ESF1: variants seen among roughly 807,000 people sequenced by gnomAD.
ESF1 encodes the protein ESF1 homolog.
A neutral mutation model predicts 92.0 loss-of-function variants in ESF1; 58 were observed. That is an observed-to-expected ratio of 0.63 (90% confidence interval 0.51 to 0.78). ESF1 has a LOEUF of 0.78. ESF1 is among the 30% of genes least tolerant of loss of function. The pLI, the probability that ESF1 is intolerant of heterozygous loss-of-function variation, is 0.00. For synonymous variants in ESF1, 321 were observed against 313.7 expected (o/e 1.02, Z -0.24); for missense variants, 922 against 989.1 (o/e 0.93, Z 0.91).
intron 9 of ESF1, among the ~76,000 whole-genome samples, chr20:13,747,241 G>C (rs1310405525): frequency 7.0e-6 from 1 of 142,610 alleles, no homozygotes; most frequent in African/African-American, 2.6e-5. Context: ...GAGTATACCA[G>C]AGAAAAATGA....
At chr20:13,731,841 T>C (rs191463409) in intron 10 of ESF1, among the ~76,000 whole-genome samples, 4 of 152,310 alleles carry the variant, frequency 2.6e-5, no homozygotes, top group Admixed American at 2.6e-4. Context: ...ATCATGAAGC[T>C]TCCATAAAAA....
chr20:13,749,077 T>A (rs182396024), intron 9 of ESF1, among the ~76,000 whole-genome samples: 5 of 151,876 alleles, frequency 3.3e-5, no homozygotes, highest in Admixed American at 6.6e-5. Context: ...TATTATTATT[T>A]TTTTTTGAGA....
At chr20:13,760,314 G>A (rs368075359) in intron 8 of ESF1, among the ~76,000 whole-genome samples, 8 of 148,392 alleles carry the variant, frequency 5.4e-5, no homozygotes, top group East Asian at 2.0e-4. Context: ...AGTGAGGAGC[G>A]CCTCTTCCCG....
chr20:13,732,382 C>T (rs545595039), intron 10 of ESF1, among the ~76,000 whole-genome samples: 252 of 152,302 alleles, frequency 1.7e-3, no homozygotes, highest in Non-Finnish European at 1.3e-3. Context: ...CTCCATTTTA[C>T]TATCCATTTC....
At chr20:13,720,718 G>A (rs1156902476) in intron 11 of ESF1, among the ~76,000 whole-genome samples, 1 of 152,176 alleles carries the variant, frequency 6.6e-6, no homozygotes, top group Non-Finnish European at 1.5e-5. Flanking sequence ...TACCATAAAA[G>A]TATATGCATA....
intron 9 of ESF1, among the ~76,000 whole-genome samples, chr20:13,755,911 T>C (rs1978871028): frequency 6.6e-6 from 1 of 152,180 alleles, no homozygotes; most frequent in Non-Finnish European, 1.5e-5. Flanking sequence ...CAATAAATGT[T>C]AGTGATTAAG....
chr20:13,759,320 C>A (rs1338518302), intron 9 of ESF1, among the ~76,000 whole-genome samples: 1 of 152,070 alleles, frequency 6.6e-6, no homozygotes, highest in Non-Finnish European at 1.5e-5. Context: ...GTTAGTGAAA[C>A]CTCATGAATT....
chr20:13,723,810 T>G (rs2049883774), intron 11 of ESF1, among the ~76,000 whole-genome samples: 1 of 152,200 alleles, frequency 6.6e-6, no homozygotes, highest in Non-Finnish European at 1.5e-5. Context: ...AACACTAGTG[T>G]GCCAAATTCA....
rs182532118 is a variant in ESF1 at position 13,775,407 on chromosome 20, C to A, written c.1036-137G>T. 10 of 532,554 alleles carry A rather than the reference C, an allele frequency of 1.9e-5. No homozygotes were observed. In the African/African-American group the frequency reaches 2.0e-4, roughly 10 times the overall value. The allele number at this position is 532,554 out of a possible 1,614,324, so 33.0% of individuals were successfully genotyped here. On this transcript the variant is annotated intron_variant, in intron 3 of 13. Transcript: ENST00000617257. ...GTACAGGAGTTATCTAAGCGTAATTCAGTATATAAAAGAGAACTTCAAATG... is the reference window on the plus strand; with the variant it reads ...GTACAGGAGTTATCTAAGCGTAATTAAGTATATAAAAGAGAACTTCAAATG...
Position 13,782,614 on chromosome 20 carries a change from G to C in ESF1, c.527C>G (p.Thr176Ser), listed in dbSNP as rs1441101870. 1.2e-6 allele frequency: 2 copies of C among 1,606,666 alleles called. No homozygotes were observed. The highest frequency in any genetic ancestry group is 1.7e-6 in the Non-Finnish European group (2 of 1,178,282). ...KKEKKNIVQH[T>S]TDSSLEEKQR... ...TTTTTCTTCGAGAGAAGAGTCTGTA[G>C]TATGTTGAACAATGTTTTTTTTCTC... The change falls in exon 2 of 14, where the codon ACT becomes AGT. Residue 176 changes from threonine (T) to serine (S), a missense_variant. Thr to Ser is a moderately conservative substitution (Grantham distance 58). Transcript: ENST00000617257.
chr20:13,784,291 C>CG (rs1555828499), intron 1 of ESF1, among the ~76,000 whole-genome samples: 1 of 147,682 alleles, frequency 6.8e-6, no homozygotes, highest in Non-Finnish European at 1.5e-5. Flanking sequence ...GCAACCCCCC[C>CG]CCAAAATGAT....
Position 13,744,075 on chromosome 20 carries a change from T to A in ESF1, c.1829-10233A>T, listed in dbSNP as rs2050032339. ...GGGTGGTGGGTTCACTTATTCATTATAACAAACAAACAAACCAATCAATAA... is the reference window on the plus strand; with the variant it reads ...GGGTGGTGGGTTCACTTATTCATTAAAACAAACAAACAAACCAATCAATAA... On this transcript the variant is annotated intron_variant, in intron 9 of 13. Transcript: ENST00000617257. 3.3e-5 allele frequency among the ~76,000 whole-genome samples: 5 copies of A among 152,190 alleles called. No individual in the cohort carries two copies. In the South Asian group the frequency reaches 1.0e-3, roughly 31 times the overall value.
intron 3 of ESF1, 47 bp downstream of exon 3, chr20:13,775,826 C>T (rs1391506720): frequency 1.3e-6 from 2 of 1,545,242 alleles, no homozygotes; most frequent in Non-Finnish European, 1.7e-6. Flanking sequence ...ATAAAAGCTG[C>T]TTGTACTGTG....
intron 9 of ESF1, among the ~76,000 whole-genome samples, chr20:13,742,300 G>A (rs1337907804): frequency 2.0e-5 from 3 of 151,988 alleles, no homozygotes; most frequent in South Asian, 2.1e-4. Flanking sequence ...GCAAAACCCC[G>A]TCTCTACTAA....
Position 13,784,883 on chromosome 20 carries a change from C to G in ESF1, c.-47G>C, listed in dbSNP as rs962554497. 1.1e-5 allele frequency: 7 copies of G among 612,446 alleles called. No individual in the cohort carries two copies. The highest frequency in any genetic ancestry group is 9.2e-5 in the African/African-American group (5 of 54,220). 37.9% of individuals were successfully genotyped at this position (612,446 alleles called of 1,614,324 possible). On this transcript the variant is annotated 5_prime_UTR_variant, in exon 1 of 14. Transcript: ENST00000617257. Reference sequence around the variant, plus strand: ...ACTCCAGTCCATCCCCACTCACCGTCCGCAGTCCTACCAAGCCTCACGTGG... The same window carrying G: ...ACTCCAGTCCATCCCCACTCACCGTGCGCAGTCCTACCAAGCCTCACGTGG...
intron 9 of ESF1, among the ~76,000 whole-genome samples, chr20:13,748,592 A>ATATTT (rs1331098586): frequency 3.1e-5 from 3 of 95,740 alleles, no homozygotes; most frequent in African/African-American, 1.9e-4. Flanking sequence ...ATATATATAT[A>ATATTT]TTTTTTTTTT....
intron 11 of ESF1, among the ~76,000 whole-genome samples, chr20:13,724,693 C>T (rs1479351786): frequency 6.6e-6 from 1 of 152,098 alleles, no homozygotes; most frequent in Admixed American, 6.5e-5. Context: ...TCCAGTTATA[C>T]CATAGGAAGT....
chr20:13,782,254 C>T (rs914356777), intron 2 of ESF1, among the ~76,000 whole-genome samples: 3 of 152,140 alleles, frequency 2.0e-5, no homozygotes, highest in Non-Finnish European at 4.4e-5. Context: ...GAATATAGTT[C>T]TCATTAGGGC....
At chr20:13,772,838 A>G (rs555613266) in intron 4 of ESF1, among the ~76,000 whole-genome samples, 1 of 152,294 alleles carries the variant, frequency 6.6e-6, no homozygotes, top group East Asian at 1.9e-4. Context: ...CTTGGAAACA[A>G]AAATAAGAGT....
Sources: allele counts gnomAD v4.1 joint callset (sites outside exome capture counted in the v4.1 genomes callset), GRCh38; gene constraint gnomAD v4.1.1; transcripts MANE v1.5; gene names NCBI Gene and HGNC (gene_info 2026-07-23, HGNC 2026-07-21).